Variants in GBF1 observed in about 807,000 individuals in gnomAD.
GBF1 encodes the protein golgi brefeldin A resistant guanine nucleotide exchange factor 1.
Under a neutral mutation model 210.5 loss-of-function variants are expected in GBF1, and 114 were observed. The observed-to-expected ratio is 0.54, with a 90% CI of 0.47 to 0.63. The LOEUF (loss-of-function observed/expected upper bound fraction) is 0.63. Ranked by LOEUF, GBF1 falls within the 30% of genes least tolerant of loss-of-function variation. The probability of loss-of-function intolerance (pLI) is 0.00; values close to 1 mark genes in which losing one functional copy is unlikely to be tolerated. For synonymous variants in GBF1, 850 were observed against 889.2 expected (o/e 0.96, Z 0.78); for missense variants, 1,851 against 2,357.7 (o/e 0.79, Z 4.45).
chr10:102,288,572 G>A (rs1164560071), intron 3 of GBF1, among the ~76,000 whole-genome samples: 2 of 151,680 alleles, frequency 1.3e-5, no homozygotes, highest in Admixed American at 1.3e-4. Flanking sequence ...TTAGCCGGGC[G>A]CGGTGGCGGG....
chr10:102,362,050 C>CTTTTTTTTTTTTT (rs1164670758), intron 14 of GBF1, 138 bp downstream of exon 14: 14 of 124,746 alleles, frequency 1.1e-4, no homozygotes, highest in South Asian at 4.0e-4. Flanking sequence ...CTTTTCTTTT[C>CTTTTTTTTTTTTT]TTTTTTTTTT....
upstream of GBF1, among the ~76,000 whole-genome samples, chr10:102,243,440 A>G (rs368056043): frequency 6.6e-6 from 1 of 152,348 alleles, no homozygotes. Context: ...GATGATGATT[A>G]GTGGTTAGGA....
At chr10:102,266,634 T>C (rs2073901234) in intron 3 of GBF1, among the ~76,000 whole-genome samples, 1 of 152,218 alleles carries the variant, frequency 6.6e-6, no homozygotes, top group Non-Finnish European at 1.5e-5. Context: ...TTATTCCTGC[T>C]CTTTCCTTAA....
rs1441468796 is a variant in GBF1, at chr10:102,359,472, C to G, written c.1180+37C>G. ...GGTAGGCTCTGCCAATTCACCTCCCCCATCCTACCTACTAAGCTGCCTGAG... is the reference window on the plus strand; with the variant it reads ...GGTAGGCTCTGCCAATTCACCTCCCGCATCCTACCTACTAAGCTGCCTGAG... On this transcript the variant is annotated intron_variant, in intron 11 of 39. Coordinates refer to ENST00000369983, the MANE Select transcript of GBF1 (RefSeq NM_001377137.1). 9 of 1,503,878 alleles carry G rather than the reference C, an allele frequency of 6.0e-6. No homozygotes were observed. In the East Asian group the frequency reaches 9.0e-5, roughly 15 times the overall value. 93.2% of individuals were successfully genotyped at this position (1,503,878 alleles called of 1,614,324 possible).
intron 22 of GBF1, 71 bp downstream of exon 22, chr10:102,368,525 C>T (rs1250733503): frequency 5.2e-6 from 5 of 954,744 alleles, no homozygotes; most frequent in Admixed American, 5.2e-5. Context: ...CTCCATGCCT[C>T]TCTGACTCCT....
intron 14 of GBF1, 130 bp from the exon 15 acceptor site, chr10:102,362,345 C>A: frequency 1.5e-6 from 1 of 671,404 alleles, no homozygotes; most frequent in Non-Finnish European, 2.6e-6. Flanking sequence ...CATGAGCCAC[C>A]ACGCCCGGCC....
At chr10:102,269,690 A>G (rs2074208569) in intron 3 of GBF1, among the ~76,000 whole-genome samples, 1 of 152,164 alleles carries the variant, frequency 6.6e-6, no homozygotes, top group Admixed American at 6.5e-5. Context: ...TGACAAGAGG[A>G]TGTAGAATGA....
intron 7 of GBF1, 98 bp downstream of exon 7, chr10:102,352,616 C>A: frequency 1.3e-6 from 1 of 798,364 alleles, no homozygotes; most frequent in Non-Finnish European, 2.2e-6. Flanking sequence ...ACCCCACAGC[C>A]GCATCAGAGG....
intron 1 of GBF1, among the ~76,000 whole-genome samples, chr10:102,255,361 A>G (rs2072198686): frequency 6.6e-6 from 1 of 152,112 alleles, no homozygotes; most frequent in South Asian, 2.1e-4. Flanking sequence ...CTTTTTTACA[A>G]TGATTTTTTG....
intron 3 of GBF1, among the ~76,000 whole-genome samples, chr10:102,300,805 T>C: frequency 6.6e-6 from 1 of 152,194 alleles, no homozygotes; most frequent in Non-Finnish European, 1.5e-5. Flanking sequence ...GTGACTAAGT[T>C]ATTGATTGCT....
In GBF1 at chr10:102,375,551, C is replaced by T; in HGVS notation, c.3853C>T (p.Gln1285Ter). 1 of 1,612,624 alleles carries T rather than the reference C, an allele frequency of 6.2e-7. No individual in the cohort carries two copies. The change falls in exon 30 of 40, where the codon CAG becomes TAG. Residue 1285 changes from glutamine (Q) to a stop codon, truncating the protein, a stop_gained. Coordinates refer to ENST00000369983, the MANE Select transcript of GBF1 (RefSeq NM_001377137.1). LOFTEE classifies it high-confidence loss of function. Reference protein sequence around the residue: ...GSGVKPPAALQATARADAPDA... With the variant: ...GSGVKPPAAL ...AGGTGTGAAGCCTCCAGCTGCTCTG[C>T]AGGCCACAGCCAGGGCAGATGCACC...
intron 4 of GBF1, among the ~76,000 whole-genome samples, chr10:102,348,077 C>T (rs1030769219): frequency 6.6e-6 from 1 of 152,282 alleles, no homozygotes; most frequent in East Asian, 1.9e-4. Context: ...GCTGGGACCA[C>T]AGGCATGCAC....
upstream of GBF1, among the ~76,000 whole-genome samples, chr10:102,242,928 C>CAAAAAAAAAAAAAAAAACAAAAAAAAA (rs2070576714): frequency 7.6e-6 from 1 of 132,408 alleles, no homozygotes; most frequent in African/African-American, 2.9e-5. Flanking sequence ...GACTCTGTCT[C>CAAAAAAAAAAAAAAAAACAAAAAAAAA]AAAAAAAAAA....
intron 3 of GBF1, among the ~76,000 whole-genome samples, chr10:102,282,093 ATTTTTT>A (rs58472334): frequency 1.4e-5 from 2 of 143,614 alleles, no homozygotes; most frequent in East Asian, 4.1e-4. Context: ...CACCCGGCTA[ATTTTTT>A]TTTTTTTTGT....
At chr10:102,244,032 A>T (rs564935683), upstream of GBF1, among the ~76,000 whole-genome samples, 1 of 152,224 alleles carries the variant, frequency 6.6e-6, no homozygotes, top group Non-Finnish European at 1.5e-5. Context: ...TGGGAGGCTG[A>T]GGCAGGAGAA....
chr10:102,297,113 G>A (rs2076972031), intron 3 of GBF1, among the ~76,000 whole-genome samples: 1 of 152,060 alleles, frequency 6.6e-6, no homozygotes, highest in Non-Finnish European at 1.5e-5. Context: ...CTTAAGATGA[G>A]GCAGGACTGG....
intron 1 of GBF1, among the ~76,000 whole-genome samples, chr10:102,258,042 C>T (rs972860526): frequency 2.0e-5 from 3 of 151,946 alleles, no homozygotes; most frequent in African/African-American, 2.4e-5. Flanking sequence ...TGGATTGACT[C>T]GCTTTGAGTT....
At chr10:102,351,411 A>G (rs1196917103) in intron 5 of GBF1, 37 bp downstream of exon 5, 1 of 1,100,206 alleles carries the variant, frequency 9.1e-7, no homozygotes, top group Non-Finnish European at 1.4e-6. Context: ...GCTAATGGCC[A>G]GGGGCTGGTG....
chr10:102,299,581 G>A (rs2077173070), intron 3 of GBF1, among the ~76,000 whole-genome samples: 1 of 152,122 alleles, frequency 6.6e-6, no homozygotes, highest in South Asian at 2.1e-4. Context: ...TCAGGAGTTC[G>A]AGACCAGCCT....
Sources: allele counts gnomAD v4.1 joint callset (sites outside exome capture counted in the v4.1 genomes callset), GRCh38; gene constraint gnomAD v4.1.1; transcripts MANE v1.5; gene names NCBI Gene and HGNC (gene_info 2026-07-23, HGNC 2026-07-21).